PACSIN3: variants seen among roughly 807,000 people sequenced by gnomAD.
PACSIN3 encodes protein kinase C and casein kinase substrate in neurons protein 3.
In PACSIN3, 34 loss-of-function variants were observed where a neutral mutation model predicts 56.1. The observed-to-expected ratio is 0.61, with a 90% CI of 0.46 to 0.81. The LOEUF is 0.81. Among genes scored for constraint, PACSIN3 ranks in the 30% least tolerant of loss-of-function variants. The pLI is 0.00. For synonymous variants in PACSIN3, 218 were observed against 229.8 expected, an observed-to-expected ratio of 0.95 and a Z score of 0.46; for missense variants, 535 against 592.4, an observed-to-expected ratio of 0.90 and a Z score of 1.01.
Position 47,177,916 on chromosome 11 carries a change from G to A in PACSIN3, c.*15C>T, listed in dbSNP as rs1952915454. On this transcript the variant is annotated 3_prime_UTR_variant, in exon 11 of 11. Coordinates refer to ENST00000298838, the MANE Select transcript of PACSIN3 (RefSeq NM_016223.5). ...ACCAGGGTGGGTAAACGTTGCAGAA[G>A]GGCTGTCAGGACACTCAGGCGCCCA... 3 of 1,597,958 alleles carry A rather than the reference G, an allele frequency of 1.9e-6. No individual in the cohort carries two copies. The highest frequency in any genetic ancestry group is 2.2e-5 in the South Asian group (2 of 90,718).
chr11:47,180,593 T>G lies in PACSIN3; in HGVS notation c.309A>C (p.Gln103His). ...CGCGCACCCGCTCACTGTCCTGCCCTTGCAGCTTCTCCCGCACCTCCAGGT... is the reference window on the plus strand; with the variant it reads ...CGCGCACCCGCTCACTGTCCTGCCCGTGCAGCTTCTCCCGCACCTCCAGGT... ...ALHLEVREKLQGQDSERVRAW... is the reference protein window; with the variant it reads ...ALHLEVREKLHGQDSERVRAW... The change falls in exon 5 of 11, where the codon CAA becomes CAC. Residue 103 changes from glutamine (Q) to histidine (H), a missense_variant. Physicochemically the swap from Gln to His is conservative, Grantham distance 24 (BLOSUM62 0). Transcript: ENST00000298838. 6.2e-7 allele frequency: 1 copy of G among 1,605,260 alleles called. No homozygotes were observed. The highest frequency in any genetic ancestry group is 8.5e-7 in the Non-Finnish European group (1 of 1,179,878).
At chr11:47,180,722 T>C (rs1352957447) in intron 4 of PACSIN3, 32 bp from the exon 5 acceptor site, 1 of 1,544,816 alleles carries the variant, frequency 6.5e-7, no homozygotes, top group Non-Finnish European at 8.7e-7. Context: ...AGGCCAGGCC[T>C]GGGTACCACC....
In PACSIN3 at chr11:47,180,337, TC is replaced by T. The variant is rs1333709418; in HGVS notation, c.451del (p.Glu151ArgfsTer144). ...KPWLKRLKEV[E>X]ASKKSYHAAR... The stretch of plus-strand genomic sequence containing the variant: ...TGCGTGGTAGCTTTTCTTGGAAGCC[TC>T]AACCTGGCATGCATGGAGACCACTC... On this transcript the variant is annotated frameshift_variant, in exon 6 of 11. Transcript: ENST00000298838. LOFTEE classifies it high-confidence loss of function. 14 of 1,601,710 alleles carry T rather than the reference TC, an allele frequency of 8.7e-6. No homozygotes were observed. Among genetic ancestry groups the T allele is most frequent in the Non-Finnish European group, 1.2e-5 (14 of 1,179,966 alleles).
rs1396621168 is a variant in PACSIN3 at position 47,179,804 on chromosome 11, G to A, written c.604-218C>T. On this transcript the variant is annotated intron_variant, in intron 6 of 10. Transcript: ENST00000298838. The surrounding 1 kb of genome is among the most constrained non-coding windows in gnomAD (Gnocchi z 4.4). ...AAAAGAGTCTGGTGAGGATTGAAAT[G>A]AGGTCAACCTACAGGAAAGGATGGG... 3 of 579,960 alleles carry A rather than the reference G, an allele frequency of 5.2e-6. No homozygotes were observed. The highest frequency in any genetic ancestry group is 9.1e-6 in the Non-Finnish European group (3 of 327,874). 35.9% of individuals were successfully genotyped at this position (579,960 alleles called of 1,614,324 possible).
In PACSIN3 at chr11:47,179,737, C is replaced by G; in HGVS notation, c.604-151G>C. On this transcript the variant is annotated intron_variant, in intron 6 of 10. Coordinates refer to ENST00000298838, the MANE Select transcript of PACSIN3 (RefSeq NM_016223.5). The surrounding 1 kb of genome is among the most constrained non-coding windows in gnomAD (Gnocchi z 4.4). ...AGACCCAGCTCCTGCCCTCAAGGAC[C>G]CCAGCAGCCTAACAAGGGAGGTGAC... is the stretch of plus-strand genomic sequence containing the variant. 3 of 658,236 alleles carry G rather than the reference C, an allele frequency of 4.6e-6. No individual in the cohort carries two copies. Among genetic ancestry groups the G allele is most frequent in the Admixed American group, 2.9e-5 (1 of 34,094 alleles). 40.8% of individuals were successfully genotyped at this position (658,236 alleles called of 1,614,324 possible).
Position 47,179,763 on chromosome 11 carries a change from A to T in PACSIN3, c.604-177T>A, listed in dbSNP as rs1290231749. On this transcript the variant is annotated intron_variant, in intron 6 of 10. Transcript: ENST00000298838. The surrounding 1 kb of genome is among the most constrained non-coding windows in gnomAD (Gnocchi z 4.4). ...CCAGCAGCCTAACAAGGGAGGTGAC[A>T]TCAGGCACAGCATATAAAAGAGTCT... 1 of 608,130 alleles carries T rather than the reference A, an allele frequency of 1.6e-6. No homozygotes were observed. The highest frequency in any genetic ancestry group is 2.1e-5 in the South Asian group (1 of 48,538). The allele number at this position is 608,130 out of a possible 1,614,324, so 37.7% of individuals were successfully genotyped here.
intron 4 of PACSIN3, among the ~76,000 whole-genome samples, chr11:47,181,817 G>A (rs1217365729): frequency 6.6e-6 from 1 of 151,874 alleles, no homozygotes. Context: ...CTCCAGCCTG[G>A]TGACAGAGTG....
In PACSIN3 at chr11:47,179,418, T is replaced by G. The variant is rs1952970555; in HGVS notation, c.772A>C (p.Ser258Arg). ...TLHQHLDLSSSEKFHELHRDL... is the reference protein window; with the variant it reads ...TLHQHLDLSSREKFHELHRDL... ...CCACCAGGCAGTTCATACTTCTCAC[T>G]GCTGGAAAGGTCCAGGTGCTGGTGT... The change falls in exon 7 of 11, where the codon AGT becomes CGT. Residue 258 changes from serine to arginine, a missense_variant. Transcript: ENST00000298838. The surrounding 1 kb of genome is among the most constrained non-coding windows in gnomAD (Gnocchi z 4.4). 6.2e-7 allele frequency: 1 copy of G among 1,613,938 alleles called. No homozygotes were observed. Among genetic ancestry groups the G allele is most frequent in the African/African-American group, 1.3e-5 (1 of 74,920 alleles).
In PACSIN3 at chr11:47,178,098, C is replaced by T. The variant is rs374624707; in HGVS notation, c.1160-52G>A. 2.0e-6 allele frequency: 3 copies of T among 1,493,962 alleles called. No individual in the cohort carries two copies. Among genetic ancestry groups the T allele is most frequent in the South Asian group, 2.3e-5 (2 of 87,264 alleles). The allele number at this position is 1,493,962 out of a possible 1,614,324, so 92.5% of individuals were successfully genotyped here. A position where few individuals can be genotyped will look rare whatever the true frequency, so the allele number is the denominator to read the frequency against. On this transcript the variant is annotated intron_variant, in intron 10 of 10. Transcript: ENST00000298838. The surrounding 1 kb of genome is among the most constrained non-coding windows in gnomAD (Gnocchi z 4.2). ...CAGTGGCCCTGGCCCAGGCCCTGTT[C>T]CTGCAACTGGGTCAAGGACTGAGGG...
At chr11:47,181,910 G>C (rs1953032262) in intron 4 of PACSIN3, among the ~76,000 whole-genome samples, 1 of 152,008 alleles carries the variant, frequency 6.6e-6, no homozygotes, top group Non-Finnish European at 1.5e-5. Flanking sequence ...CCCAGCACTT[G>C]GGGAGGCTGA....
At chr11:47,181,545 C>T (rs562977234) in intron 4 of PACSIN3, among the ~76,000 whole-genome samples, 76 of 152,230 alleles carry the variant, frequency 5.0e-4, no homozygotes, top group Non-Finnish European at 9.3e-4. Flanking sequence ...TAATCCAGGC[C>T]GGGCACGGTG....
In PACSIN3 at chr11:47,180,598, G is replaced by T; in HGVS notation, c.304C>A (p.Leu102Met). ...SALHLEVREK[L>M]QGQDSERVRA... is the part of the protein sequence containing the mutation. ...ACCCGCTCACTGTCCTGCCCTTGCA[G>T]CTTCTCCCGCACCTCCAGGTGCAGC... Residue 102 changes from leucine (L) to methionine (M), a missense_variant, in exon 5 of 11, where the codon CTG (leucine) becomes ATG (methionine). Leu to Met is a conservative substitution (Grantham distance 15). Coordinates refer to ENST00000298838, the MANE Select transcript of PACSIN3 (RefSeq NM_016223.5). 6.2e-7 allele frequency: 1 copy of T among 1,605,206 alleles called. No homozygotes were observed.
chr11:47,178,794 C>T lies in PACSIN3; in HGVS notation c.1037+100G>A. 1 of 1,409,634 alleles carries T rather than the reference C, an allele frequency of 7.1e-7. No individual in the cohort carries two copies. The highest frequency in any genetic ancestry group is 1.3e-5 in the South Asian group (1 of 79,904). 87.3% of individuals were successfully genotyped at this position (1,409,634 alleles called of 1,614,324 possible). ...CCCTCAGGTCCCTGGCACCAATTTT[C>T]AACCCATTTCAGGTGTGAAAGAAAT... On this transcript the variant is annotated intron_variant, in intron 9 of 10. Transcript: ENST00000298838. The surrounding 1 kb of genome is among the most constrained non-coding windows in gnomAD (Gnocchi z 4.2).
rs1179771835 is a variant in PACSIN3, at chr11:47,180,693, G to A, written c.212-3C>T. The A allele has an allele frequency of 1.3e-6, 2 of 1,591,848 alleles. No individual in the cohort carries two copies. Among genetic ancestry groups the A allele is most frequent in the South Asian group, 2.2e-5 (2 of 90,122 alleles). ...CTCCAGTGTGCCATACTGGGGGCCT[G>A]CAGGGAGGGACAGGGCTTAGGCCAG... On this transcript the variant is annotated splice_polypyrimidine_tract_variant and splice_region_variant and intron_variant, in intron 4 of 10. Coordinates refer to ENST00000298838, the MANE Select transcript of PACSIN3 (RefSeq NM_016223.5).
rs1326380615 is a variant in PACSIN3, at chr11:47,180,244, T to A, written c.545A>T (p.Gln182Leu). The A allele has an allele frequency of 6.2e-7, 1 of 1,603,894 alleles. No individual in the cohort carries two copies. Among genetic ancestry groups the A allele is most frequent in the Non-Finnish European group, 8.5e-7 (1 of 1,179,976 alleles). The stretch of plus-strand genomic sequence containing the variant: ...TTCCTGCAGTTTGCGCAGCTGCTCC[T>A]GGGAGACGGCGCTGTCTGCCTTTGC... ...SHAKADSAVSQEQLRKLQERV... is the reference protein window; with the variant it reads ...SHAKADSAVSLEQLRKLQERV... The change falls in exon 6 of 11, where the codon CAG becomes CTG. Residue 182 changes from glutamine to leucine, a missense_variant. Transcript: ENST00000298838.
At position 47,179,192 on chromosome 11, in the gene PACSIN3, C is replaced by A; in HGVS notation, c.867G>T (p.Gly289=). The change falls in exon 8 of 11, where the codon GGG becomes GGT. Residue 289 remains glycine, a synonymous_variant. Transcript: ENST00000298838. This position sits in a 1 kb window ranked among gnomAD's most constrained non-coding sequence, Gnocchi z 4.4. ...EDLRWWRSTH[G]PGMAMNWPQF... is the part of the protein sequence containing the mutation. Reference sequence around the variant, plus strand: ...GTGGCCAGTTCATGGCCATGCCTGGCCCGTGGGTGCTGCGCCACCAGCGCA... The same window carrying A: ...GTGGCCAGTTCATGGCCATGCCTGGACCGTGGGTGCTGCGCCACCAGCGCA... 2 of 1,613,904 alleles carry A rather than the reference C, an allele frequency of 1.2e-6. No homozygotes were observed. Among genetic ancestry groups the A allele is most frequent in the Non-Finnish European group, 1.7e-6 (2 of 1,180,036 alleles).
chr11:47,178,775 G>A lies in PACSIN3; in HGVS notation c.1037+119C>T. 1 of 1,204,834 alleles carries A rather than the reference G, an allele frequency of 8.3e-7. No individual in the cohort carries two copies. The highest frequency in any genetic ancestry group is 1.2e-6 in the Non-Finnish European group (1 of 858,640). The allele number at this position is 1,204,834 out of a possible 1,614,324, so 74.6% of individuals were successfully genotyped here. ...ATTACAACTACTAAGTAGGCCCTCA[G>A]GTCCCTGGCACCAATTTTCAACCCA... On this transcript the variant is annotated intron_variant, in intron 9 of 10. Coordinates refer to ENST00000298838, the MANE Select transcript of PACSIN3 (RefSeq NM_016223.5). The surrounding 1 kb of genome is among the most constrained non-coding windows in gnomAD (Gnocchi z 4.2).
chr11:47,179,394 C>T lies in PACSIN3; in HGVS notation c.779+17G>A. ...CAGTACTACCCCAGATCTCCATGCC[C>T]ACCAGGCAGTTCATACTTCTCACTG... On this transcript the variant is annotated intron_variant, in intron 7 of 10. Coordinates refer to ENST00000298838, the MANE Select transcript of PACSIN3 (RefSeq NM_016223.5). This position sits in a 1 kb window ranked among gnomAD's most constrained non-coding sequence, Gnocchi z 4.4. The T allele has an allele frequency of 9.9e-6, 16 of 1,613,864 alleles. No individual in the cohort carries two copies. The highest frequency in any genetic ancestry group is 1.4e-5 in the Non-Finnish European group (16 of 1,179,880).
Position 47,179,004 on chromosome 11 carries a change from T to C in PACSIN3, c.927A>G (p.Thr309=). 4 of 1,614,106 alleles carry C rather than the reference T, an allele frequency of 2.5e-6. No individual in the cohort carries two copies. The highest frequency in any genetic ancestry group is 2.7e-5 in the African/African-American group (2 of 75,046). The change falls in exon 9 of 11, where the codon ACA becomes ACG. Residue 309 remains threonine (T), a synonymous_variant. Coordinates refer to ENST00000298838, the MANE Select transcript of PACSIN3 (RefSeq NM_016223.5). This position sits in a 1 kb window ranked among gnomAD's most constrained non-coding sequence, Gnocchi z 4.4. The stretch of plus-strand genomic sequence containing the variant: ...GGCCACCCTTCTCTTTCCGGCTGAT[T>C]GTCCTCTGTGTGTCCAAGGACCACT... ...FEEWSLDTQR[T]ISRKEKGGRS...
Sources: gnomAD v4.1 joint callset for allele counts (sites outside exome capture counted in the v4.1 genomes callset) on GRCh38, gnomAD v4.1.1 for gene constraint, Gnocchi (gnomAD v3.1) non-coding constraint, MANE v1.5 for transcripts, NCBI Gene and HGNC (gene_info 2026-07-23, HGNC 2026-07-21) for gene names.